Variants in WDR41 observed in about 807,000 individuals in gnomAD.
WDR41 encodes the protein WD repeat domain 41.
Under a neutral mutation model 69.3 loss-of-function variants are expected in WDR41, and 63 were observed. That is an observed-to-expected ratio of 0.91 (90% CI 0.74 to 1.12). WDR41 has a LOEUF of 1.12. WDR41 is among the 50% of genes most tolerant of loss of function. The pLI, the probability that WDR41 is intolerant of heterozygous loss-of-function variation, is 0.00. For synonymous variants in WDR41, 185 were observed against 192.1 expected (o/e 0.96, Z 0.31); for missense variants, 543 against 534.5 (o/e 1.02, Z -0.16).
intron 1 of WDR41, among the ~76,000 whole-genome samples, chr5:77,515,456 A>G (rs1297260233): frequency 6.6e-6 from 1 of 152,236 alleles, no homozygotes; most frequent in East Asian, 1.9e-4. Flanking sequence ...AAATCTCCTG[A>G]AGGATCAGCC....
intron 1 of WDR41, among the ~76,000 whole-genome samples, chr5:77,581,352 T>C (rs550376819): frequency 3.9e-5 from 6 of 152,318 alleles, no homozygotes; most frequent in African/African-American, 1.4e-4. Context: ...CCAAGGTGCA[T>C]AAAGCAAAAA....
intron 1 of WDR41, among the ~76,000 whole-genome samples, chr5:77,608,274 T>C (rs115910492): frequency 0.012 from 1,760 of 152,298 alleles, 30 homozygotes; most frequent in African/African-American, 0.04. Flanking sequence ...GGCCGAATAA[T>C]ATTCCATTGT....
intron 1 of WDR41, among the ~76,000 whole-genome samples, chr5:77,514,461 T>C (rs1363291493): frequency 6.6e-6 from 1 of 152,180 alleles, no homozygotes; most frequent in African/African-American, 2.4e-5. Context: ...TCCTTTCCTA[T>C]ACAGCAATAA....
chr5:77,467,499 T>C (rs1800356583), intron 2 of WDR41, among the ~76,000 whole-genome samples: 1 of 152,032 alleles, frequency 6.6e-6, no homozygotes, highest in Non-Finnish European at 1.5e-5. Flanking sequence ...AAGGAAAACA[T>C]ACTGCCAATT....
chr5:77,509,631 G>A (rs962964139), intron 1 of WDR41, among the ~76,000 whole-genome samples: 1 of 152,206 alleles, frequency 6.6e-6, no homozygotes, highest in African/African-American at 2.4e-5. Context: ...TCATATGAAA[G>A]TCCAGAATAG....
At chr5:77,449,474 C>A (rs1799535778) in intron 8 of WDR41, among the ~76,000 whole-genome samples, 1 of 152,158 alleles carries the variant, frequency 6.6e-6, no homozygotes, top group African/African-American at 2.4e-5. Flanking sequence ...AATGCTGAAA[C>A]AGCCTGTGAC....
intron 1 of WDR41, among the ~76,000 whole-genome samples, chr5:77,490,757 G>C (rs1801738834): frequency 2.6e-5 from 4 of 152,114 alleles, no homozygotes; most frequent in African/African-American, 9.7e-5. Context: ...ATTAACCAAA[G>C]AACCAGGTTA....
chr5:77,436,315 A>G lies in WDR41; in HGVS notation c.1173T>C (p.Thr391=), dbSNP rs1798933264. The change falls in exon 12 of 13, where the codon ACT becomes ACC. Residue 391 remains threonine, a synonymous_variant. Transcript: ENST00000296679. ...CTCCAATAAGCTCCAGTGAACATGA[A>G]GTAGCATTTTCTTGCTGCTTTTTAA... ...QPVKKQQENA[T]SCSLELIGDL... The G allele has an allele frequency of 6.2e-7, 1 of 1,614,158 alleles. No individual in the cohort carries two copies. The highest frequency in any genetic ancestry group is 1.3e-5 in the African/African-American group (1 of 75,056).
At chr5:77,433,607 G>A (rs912879763) in intron 12 of WDR41, among the ~76,000 whole-genome samples, 3 of 152,000 alleles carry the variant, frequency 2.0e-5, no homozygotes, top group Admixed American at 6.5e-5. Flanking sequence ...CTGTATAATG[G>A]CTATGGAAAA....
chr5:77,532,600 T>A (rs1032357440), intron 1 of WDR41, among the ~76,000 whole-genome samples: 12 of 152,208 alleles, frequency 7.9e-5, no homozygotes, highest in African/African-American at 2.6e-4. Context: ...TAGTTTATAA[T>A]CACACAGTGG....
chr5:77,592,901 A>G (rs1243064015), intron 1 of WDR41, among the ~76,000 whole-genome samples: 1 of 152,214 alleles, frequency 6.6e-6, no homozygotes, highest in Non-Finnish European at 1.5e-5. Flanking sequence ...CTAATGTGGT[A>G]TGGCCAGGGC....
intron 1 of WDR41, among the ~76,000 whole-genome samples, chr5:77,607,728 C>T (rs1744450008): frequency 6.6e-6 from 1 of 152,184 alleles, no homozygotes; most frequent in African/African-American, 2.4e-5. Flanking sequence ...ATAATATACA[C>T]ATACATGTGG....
At chr5:77,474,807 G>A (rs372694621) in intron 2 of WDR41, among the ~76,000 whole-genome samples, 1 of 152,172 alleles carries the variant, frequency 6.6e-6, no homozygotes, top group African/African-American at 2.4e-5. Flanking sequence ...ACAGTAGGAG[G>A]AGGAGCCAAG....
chr5:77,452,979 T>C (rs1188288444), intron 6 of WDR41: 1 of 152,138 alleles, frequency 6.6e-6, no homozygotes, highest in Non-Finnish European at 1.5e-5. Flanking sequence ...AACAGGGAAA[T>C]ATATTCTAGA....
In WDR41 at chr5:77,432,858, C is replaced by T. The variant is rs781408742; in HGVS notation, c.*277G>A. On this transcript the variant is annotated 3_prime_UTR_variant, in exon 13 of 13. Transcript: ENST00000296679. Reference sequence around the variant, plus strand: ...CTCTATTTGTACCTTTCACAAGGATCTAGGTTCAAAATAAGCTCAAAACAC... The same window carrying T: ...CTCTATTTGTACCTTTCACAAGGATTTAGGTTCAAAATAAGCTCAAAACAC... 17 of 283,792 alleles carry T rather than the reference C, an allele frequency of 6.0e-5. No homozygotes were observed. The highest frequency in any genetic ancestry group is 1.0e-4 in the Admixed American group (2 of 19,414). The allele number at this position is 283,792 out of a possible 1,614,324, so 17.6% of individuals were successfully genotyped here.
chr5:77,474,959 G>A (rs1283530789), intron 2 of WDR41, among the ~76,000 whole-genome samples: 1 of 152,182 alleles, frequency 6.6e-6, no homozygotes, highest in Non-Finnish European at 1.5e-5. Flanking sequence ...GTGGGTGCGT[G>A]CACCGTGCGC....
chr5:77,477,398 T>C (rs1256787726), intron 2 of WDR41, among the ~76,000 whole-genome samples: 9 of 113,880 alleles, frequency 7.9e-5, no homozygotes, highest in African/African-American at 4.1e-4. Flanking sequence ...ACCACACCTA[T>C]TCCAAAATTG....
intron 1 of WDR41, among the ~76,000 whole-genome samples, chr5:77,525,945 C>T (rs145617082): frequency 0.011 from 1,625 of 152,220 alleles, 32 homozygotes; most frequent in African/African-American, 0.037. Flanking sequence ...CCACCCTTAG[C>T]ATTCTGTGCT....
intron 1 of WDR41, among the ~76,000 whole-genome samples, chr5:77,522,971 C>T (rs1209942813): frequency 6.6e-6 from 1 of 152,074 alleles, no homozygotes; most frequent in Non-Finnish European, 1.5e-5. Context: ...GTAAAAGTCA[C>T]CAAAGAAAAG....
Sources: gnomAD v4.1 joint callset for allele counts (sites outside exome capture counted in the v4.1 genomes callset) on GRCh38, gnomAD v4.1.1 for gene constraint, MANE v1.5 for transcripts, NCBI Gene and HGNC (gene_info 2026-07-23, HGNC 2026-07-21) for gene names.